The following PTPRM variants were observed in gnomAD, a reference collection of about 807,000 sequenced individuals.
PTPRM encodes the protein receptor-type tyrosine-protein phosphatase mu.
Under a neutral mutation model 186.7 loss-of-function variants are expected in PTPRM, and 47 were observed. The observed-to-expected ratio is 0.25, with a 90% CI of 0.20 to 0.32. The LOEUF is 0.32. Among genes scored for constraint, PTPRM ranks in the 10% least tolerant of loss-of-function variants. The pLI is 1.00. For synonymous variants in PTPRM, 668 were observed against 674.9 expected (o/e 0.99, Z 0.16); for missense variants, 1,494 against 1,865.0 (o/e 0.80, Z 3.66).
chr18:7,936,290 C>T (rs1189652317), intron 5 of PTPRM, among the ~76,000 whole-genome samples: 2 of 152,184 alleles, frequency 1.3e-5, no homozygotes, highest in African/African-American at 2.4e-5. Flanking sequence ...TACCCAGCCA[C>T]GGCTGTGGAC....
chr18:8,018,561 T>C (rs1305813398), intron 7 of PTPRM, among the ~76,000 whole-genome samples: 1 of 152,188 alleles, frequency 6.6e-6, no homozygotes, highest in Non-Finnish European at 1.5e-5. Flanking sequence ...AAATAATCAA[T>C]CCACAATAAT....
At chr18:7,943,421 T>A (rs2052320636) in intron 5 of PTPRM, among the ~76,000 whole-genome samples, 1 of 152,128 alleles carries the variant, frequency 6.6e-6, no homozygotes, top group Non-Finnish European at 1.5e-5. Flanking sequence ...TGACCCAACA[T>A]GACCTTAAAG....
At chr18:7,791,414 T>C (rs2043339387) in intron 2 of PTPRM, among the ~76,000 whole-genome samples, 1 of 152,216 alleles carries the variant, frequency 6.6e-6, no homozygotes, top group South Asian at 2.1e-4. Flanking sequence ...TTATAGTCTA[T>C]TGTGGTCCCA....
At chr18:7,613,160 T>C (rs1468597424) in intron 1 of PTPRM, among the ~76,000 whole-genome samples, 1 of 152,162 alleles carries the variant, frequency 6.6e-6, no homozygotes, top group African/African-American at 2.4e-5. Flanking sequence ...GCTCTCAAAC[T>C]TGGGTACCTA....
At chr18:8,018,927 A>G (rs574687369) in intron 7 of PTPRM, among the ~76,000 whole-genome samples, 190 of 152,326 alleles carry the variant, frequency 1.2e-3, no homozygotes, top group Non-Finnish European at 2.3e-3. Flanking sequence ...AAGCTGCCAC[A>G]CACTTGCTGA....
At chr18:8,242,530 T>C (rs1257868166) in intron 14 of PTPRM, among the ~76,000 whole-genome samples, 2 of 152,160 alleles carry the variant, frequency 1.3e-5, no homozygotes, top group African/African-American at 4.8e-5. Flanking sequence ...AGAGGGGTGG[T>C]GTCAGTGCCC....
chr18:7,964,020 A>G (rs1257865792), intron 7 of PTPRM, among the ~76,000 whole-genome samples: 1 of 152,174 alleles, frequency 6.6e-6, no homozygotes, highest in African/African-American at 2.4e-5. Context: ...ATTTCCCCCA[A>G]ATCTCTTATA....
rs2045726138 is a variant in PTPRM, at chr18:7,830,860, C to T, written c.196+56589C>T. Among the ~76,000 whole-genome samples, 2 of 152,112 alleles carry T rather than the reference C, an allele frequency of 1.3e-5. 1 individual carries two copies. The highest frequency in any genetic ancestry group is 4.1e-4 in the South Asian group (2 of 4,826). On this transcript the variant is annotated intron_variant, in intron 2 of 32. Transcript: ENST00000580170. ...TATTTACCTGGTCCAATATATTTCC[C>T]TTTTGGATTAACGTAGTTTGATTTT...
At chr18:7,617,319 T>G (rs1647944497) in intron 1 of PTPRM, among the ~76,000 whole-genome samples, 1 of 152,186 alleles carries the variant, frequency 6.6e-6, no homozygotes, top group South Asian at 2.1e-4. Flanking sequence ...ATTAGACTCC[T>G]CCTCGATGTT....
chr18:7,602,905 AATTATTATTATTATT>A (rs71354561), intron 1 of PTPRM, among the ~76,000 whole-genome samples: 23 of 141,708 alleles, frequency 1.6e-4, no homozygotes, highest in Non-Finnish European at 3.3e-4. Flanking sequence ...ATGTATTTGG[AATTATTATTATTATT>A]ATTATTATTA....
intron 14 of PTPRM, among the ~76,000 whole-genome samples, chr18:8,191,747 A>T (rs2146714409): frequency 6.6e-6 from 1 of 152,026 alleles, no homozygotes; most frequent in African/African-American, 2.4e-5. Context: ...TGCACAGGAG[A>T]CTCCTCTGAC....
chr18:7,678,220 T>C (rs16952327), intron 1 of PTPRM, among the ~76,000 whole-genome samples: 19,016 of 151,970 alleles, frequency 0.13, 1,895 homozygotes, highest in East Asian at 0.41. Flanking sequence ...AGAAAGTGGG[T>C]AGTTAGGAAG....
intron 7 of PTPRM, among the ~76,000 whole-genome samples, chr18:8,051,478 T>C (rs1336448717): frequency 1.3e-5 from 2 of 152,212 alleles, no homozygotes; most frequent in Non-Finnish European, 2.9e-5. Context: ...AATATCTTCA[T>C]TTTTATGTAA....
In PTPRM at chr18:7,960,622, G is replaced by A. The variant is rs762978648; in HGVS notation, c.1132+5208G>A. On this transcript the variant is annotated intron_variant, in intron 7 of 32. Transcript: ENST00000580170. Reference sequence around the variant, plus strand: ...AATGAAGAATAATTAGCTGGGCACCGTGGCATACATCTGTAGTCCCAGCTA... The same window carrying A: ...AATGAAGAATAATTAGCTGGGCACCATGGCATACATCTGTAGTCCCAGCTA... 1.8e-3 allele frequency among the ~76,000 whole-genome samples: 266 copies of A among 151,980 alleles called. 1 individual carries two copies. Among genetic ancestry groups the A allele is most frequent in the Middle Eastern group, 3.4e-3 (1 of 292 alleles).
At position 8,044,732 on chromosome 18, in the gene PTPRM, G is replaced by A. The variant is rs985115326; in HGVS notation, c.1133-24954G>A. Among the ~76,000 whole-genome samples the A allele has an allele frequency of 1.2e-3, 181 of 148,020 alleles. 1 individual carries two copies. The highest frequency in any genetic ancestry group is 7.4e-4 in the Admixed American group (11 of 14,898). On this transcript the variant is annotated intron_variant, in intron 7 of 32. Coordinates refer to ENST00000580170, the MANE Select transcript of PTPRM (RefSeq NM_001105244.2). ...AGATTATGCCACTGTACTCCAGCCT[G>A]GGTAACAGAGCAAGACTCTGTCTCA...
chr18:8,336,982 A>G (rs1227427196), intron 22 of PTPRM, among the ~76,000 whole-genome samples: 2 of 152,134 alleles, frequency 1.3e-5, no homozygotes, highest in African/African-American at 4.8e-5. Context: ...AAAAATGTAT[A>G]TAATAATACA....
At chr18:8,152,577 C>A (rs1446233584) in intron 14 of PTPRM, among the ~76,000 whole-genome samples, 1 of 151,968 alleles carries the variant, frequency 6.6e-6, no homozygotes, top group Non-Finnish European at 1.5e-5. Context: ...ATTTTTCATT[C>A]ATTATTTATT....
intron 19 of PTPRM, among the ~76,000 whole-genome samples, chr18:8,295,396 T>C (rs79819023): frequency 0.086 from 12,783 of 149,162 alleles, 608 homozygotes; most frequent in Middle Eastern, 0.16. Flanking sequence ...GAAGAGCTTC[T>C]GTTTGGGAGA....
chr18:7,579,549 A>G (rs1413590002), intron 1 of PTPRM, among the ~76,000 whole-genome samples: 3 of 152,248 alleles, frequency 2.0e-5, no homozygotes, highest in African/African-American at 7.2e-5. Flanking sequence ...GAGTTATGAA[A>G]CAATTACATT....
Sources: gnomAD v4.1 joint callset for allele counts (sites outside exome capture counted in the v4.1 genomes callset) on GRCh38, gnomAD v4.1.1 for gene constraint, MANE v1.5 for transcripts, NCBI Gene and HGNC (gene_info 2026-07-23, HGNC 2026-07-21) for gene names.